Variants in ABCA13 observed in about 807,000 individuals in gnomAD.
ABCA13 encodes the protein ATP binding cassette subfamily A member 13.
In ABCA13, 476 loss-of-function variants were observed where a neutral mutation model predicts 478.7. That is an observed-to-expected ratio of 0.99 (90% CI 0.92 to 1.07). The LOEUF is 1.07. Among genes scored for constraint, ABCA13 ranks in the 50% least tolerant of loss-of-function variants. The probability of loss-of-function intolerance (pLI) is 0.00; values close to 1 mark genes in which losing one functional copy is unlikely to be tolerated. For missense variants in ABCA13, 6,060 were observed against 5,910.6 expected, an observed-to-expected ratio of 1.03 and a Z score of -0.83; for synonymous variants, 2,252 against 2,158.9, an observed-to-expected ratio of 1.04 and a Z score of -1.20.
intron 55 of ABCA13, among the ~76,000 whole-genome samples, chr7:48,559,220 G>A (rs958378811): frequency 2.0e-5 from 3 of 152,036 alleles, no homozygotes; most frequent in East Asian, 1.9e-4. Context: ...ATTTTGCTGC[G>A]GCTAAGCTGG....
At chr7:48,287,644 A>G (rs1330264456) in intron 19 of ABCA13, among the ~76,000 whole-genome samples, 1 of 152,184 alleles carries the variant, frequency 6.6e-6, no homozygotes, top group Non-Finnish European at 1.5e-5. Context: ...GGTGAAAAGC[A>G]AGTCTGTCCT....
At chr7:48,564,737 A>G (rs1163334030) in intron 55 of ABCA13, among the ~76,000 whole-genome samples, 1 of 152,026 alleles carries the variant, frequency 6.6e-6, no homozygotes, top group East Asian at 1.9e-4. Context: ...ACTAAAGTTT[A>G]AAAACCTCCC....
rs183418386 is a variant in ABCA13, at chr7:48,642,816, A to G, written c.14838-472A>G. ...GTCCACCTAGGCTGGGTTGAAGTAC[A>G]ATTGGGATAACTTTTTTATATAACA... On this transcript the variant is annotated intron_variant, in intron 59 of 61. Coordinates refer to ENST00000435803, the MANE Select transcript of ABCA13 (RefSeq NM_152701.5). Among the ~76,000 whole-genome samples the G allele has an allele frequency of 1.7e-3, 261 of 152,304 alleles. 1 individual carries two copies. Among genetic ancestry groups the G allele is most frequent in the Middle Eastern group, 6.8e-3 (2 of 294 alleles).
intron 38 of ABCA13, 31 bp downstream of exon 38, chr7:48,392,170 T>G: frequency 6.3e-7 from 1 of 1,592,046 alleles, no homozygotes; most frequent in Non-Finnish European, 8.6e-7. Context: ...CTGCTCCTCC[T>G]GCCTCTGCCC....
Position 48,423,893 on chromosome 7 carries a change from T to C in ABCA13, c.12460-3873T>C, listed in dbSNP as rs4917138. ...ATTGTCCTTTGACTTGAGAAGCTTG[T>C]AATTTCAGTGAAATTCAAAACATTA... On this transcript the variant is annotated intron_variant, in intron 41 of 61. Transcript: ENST00000435803. Among the ~76,000 whole-genome samples the C allele has an allele frequency of 2.5e-3, 384 of 152,352 alleles. 16 individuals are homozygous for C. Among genetic ancestry groups the C allele is most frequent in the Admixed American group, 0.022 (332 of 15,302 alleles).
At chr7:48,350,846 C>A in intron 30 of ABCA13, 27 bp downstream of exon 30, 1 of 1,596,278 alleles carries the variant, frequency 6.3e-7, no homozygotes, top group South Asian at 1.1e-5. Context: ...AAAATATGTT[C>A]GCCAAGATGC....
At chr7:48,507,630 C>A (rs1465124937) in intron 49 of ABCA13, among the ~76,000 whole-genome samples, 1 of 152,122 alleles carries the variant, frequency 6.6e-6, no homozygotes, top group Non-Finnish European at 1.5e-5. Flanking sequence ...CAAGAAGACT[C>A]CGAAATGCCC....
At chr7:48,283,188 G>A (rs1289876791) in intron 19 of ABCA13, among the ~76,000 whole-genome samples, 1 of 152,090 alleles carries the variant, frequency 6.6e-6, no homozygotes, top group Non-Finnish European at 1.5e-5. Context: ...GAAGAGGAAG[G>A]GTTACCGGCC....
At chr7:48,462,036 AAAG>A (rs1254947259) in intron 43 of ABCA13, among the ~76,000 whole-genome samples, 1 of 152,034 alleles carries the variant, frequency 6.6e-6, no homozygotes, top group Non-Finnish European at 1.5e-5. Context: ...TAGGGGTGTC[AAAG>A]AAGGTTTTTT....
At chr7:48,357,420 G>A (rs1483109210) in intron 31 of ABCA13, among the ~76,000 whole-genome samples, 1 of 151,908 alleles carries the variant, frequency 6.6e-6, no homozygotes. Flanking sequence ...TAATTTGTTG[G>A]TGATACCAAC....
At chr7:48,185,901 ATAC>A (rs1323514069) in intron 1 of ABCA13, among the ~76,000 whole-genome samples, 11 of 151,936 alleles carry the variant, frequency 7.2e-5, no homozygotes, top group Non-Finnish European at 1.6e-4. Flanking sequence ...TAATATTATT[ATAC>A]TTTTTGGTAT....
At chr7:48,404,073 C>T in intron 39 of ABCA13, 194 bp downstream of exon 39, 1 of 647,816 alleles carries the variant, frequency 1.5e-6, no homozygotes, top group Non-Finnish European at 2.7e-6. Context: ...GAATTGCTTA[C>T]TTTGTGTTTG....
chr7:48,397,036 C>T (rs548010698), intron 38 of ABCA13, among the ~76,000 whole-genome samples: 37 of 152,202 alleles, frequency 2.4e-4, no homozygotes, highest in African/African-American at 8.9e-4. Flanking sequence ...TTTTTGTGTC[C>T]TTTTATATTT....
chr7:48,638,678 G>A, intron 59 of ABCA13, among the ~76,000 whole-genome samples: 1 of 152,164 alleles, frequency 6.6e-6, no homozygotes, highest in Admixed American at 6.5e-5. Context: ...GAAGGGACAT[G>A]GTTGTGAGGT....
chr7:48,542,995 TA>T (rs1356379357), intron 55 of ABCA13, among the ~76,000 whole-genome samples: 1 of 151,668 alleles, frequency 6.6e-6, no homozygotes, highest in East Asian at 1.9e-4. Flanking sequence ...AATCAAAATA[TA>T]AAAAAGGTAG....
chr7:48,183,587 G>A (rs1219137749), intron 1 of ABCA13, among the ~76,000 whole-genome samples: 1 of 152,122 alleles, frequency 6.6e-6, no homozygotes, highest in Non-Finnish European at 1.5e-5. Flanking sequence ...TCCCAGGAGA[G>A]CCTCATTCAG....
chr7:48,205,198 G>A (rs1213416412), intron 3 of ABCA13, among the ~76,000 whole-genome samples: 1 of 152,050 alleles, frequency 6.6e-6, no homozygotes, highest in African/African-American at 2.4e-5. Flanking sequence ...TCCTACTTCA[G>A]GTTATAAAGA....
chr7:48,638,053 G>A (rs1171042736), intron 59 of ABCA13, among the ~76,000 whole-genome samples: 1 of 152,188 alleles, frequency 6.6e-6, no homozygotes, highest in African/African-American at 2.4e-5. Flanking sequence ...GCACAAGTGA[G>A]CACTGAATTA....
chr7:48,481,191 G>A, intron 46 of ABCA13, 37 bp downstream of exon 46: 3 of 1,431,736 alleles, frequency 2.1e-6, no homozygotes, highest in South Asian at 1.2e-5. Flanking sequence ...TTACTTGTTT[G>A]GATTACTATG....
Sources: allele counts gnomAD v4.1 joint callset (sites outside exome capture counted in the v4.1 genomes callset), GRCh38; gene constraint gnomAD v4.1.1; transcripts MANE v1.5; gene names NCBI Gene and HGNC (gene_info 2026-07-23, HGNC 2026-07-21).